Variants in ATP11A observed in about 807,000 individuals in gnomAD.
ATP11A encodes the protein phospholipid-transporting ATPase IH.
A neutral mutation model predicts 154.4 loss-of-function variants in ATP11A; 81 were observed. The ratio of observed to expected loss-of-function variants is 0.52; its 90% CI spans 0.44 to 0.63. The LOEUF is 0.63. ATP11A is among the 30% of genes least tolerant of loss of function. The probability of loss-of-function intolerance (pLI) is 0.00; values close to 1 mark genes in which losing one functional copy is unlikely to be tolerated. For missense variants in ATP11A, 1,316 were observed against 1,474.3 expected, an observed-to-expected ratio of 0.89 and a Z score of 1.76; for synonymous variants, 623 against 585.9, an observed-to-expected ratio of 1.06 and a Z score of -0.91.
At chr13:112,858,500 A>G in intron 22 of ATP11A, 1 of 486,704 alleles carries the variant, frequency 2.1e-6, no homozygotes, top group South Asian at 4.0e-5. Flanking sequence ...CAGTCAACCC[A>G]TGCCCAAAAA....
chr13:112,745,660 C>G (rs566118816), intron 1 of ATP11A: 14 of 151,612 alleles, frequency 9.2e-5, no homozygotes, highest in African/African-American at 3.4e-4. Flanking sequence ...TGAGGAAAGC[C>G]AAAAAAACAA....
At chr13:112,709,462 A>G (rs1380079328) in intron 1 of ATP11A, among the ~76,000 whole-genome samples, 1 of 152,202 alleles carries the variant, frequency 6.6e-6, no homozygotes, top group African/African-American at 2.4e-5. Flanking sequence ...ACTAAGATCC[A>G]GGCACCCTTT....
chr13:112,857,976 G>C (rs2079980216), intron 21 of ATP11A, 56 bp downstream of exon 21: 12 of 1,594,616 alleles, frequency 7.5e-6, no homozygotes, highest in South Asian at 3.3e-5. Context: ...CCCTTCGCTA[G>C]ACAAAGGCCC....
chr13:112,811,161 AACACACACACACACACACACACACAC>A (rs10695491), intron 5 of ATP11A, among the ~76,000 whole-genome samples: 1 of 115,582 alleles, frequency 8.7e-6, no homozygotes, highest in African/African-American at 3.6e-5. Flanking sequence ...TGCCCCTTCC[AACACACACACACACACACACACACAC>A]ACACACACAC....
At chr13:112,878,345 CG>C in intron 29 of ATP11A, 42 bp downstream of exon 29, 1 of 1,598,802 alleles carries the variant, frequency 6.3e-7, no homozygotes. Flanking sequence ...ATGGTAGACA[CG>C]GGGCAGCAGG....
chr13:112,690,528 T>A lies in ATP11A; in HGVS notation c.39+73T>A. 8.0e-7 allele frequency: 1 copy of A among 1,242,718 alleles called. No individual in the cohort carries two copies. Among genetic ancestry groups the A allele is most frequent in the Non-Finnish European group, 1.0e-6 (1 of 987,558 alleles). The allele number at this position is 1,242,718 out of a possible 1,614,324, so 77.0% of individuals were successfully genotyped here. ...CGGGCCGGCCCCGCAGCCCGGACCCTGTGGCCGGTCCAGCCCCGGGGTCCC... is the reference window on the plus strand; with the variant it reads ...CGGGCCGGCCCCGCAGCCCGGACCCAGTGGCCGGTCCAGCCCCGGGGTCCC... On this transcript the variant is annotated intron_variant, in intron 1 of 29. Coordinates refer to ENST00000375645, the MANE Select transcript of ATP11A (RefSeq NM_015205.3). This position sits in a 1 kb window ranked among gnomAD's most constrained non-coding sequence, Gnocchi z 5.6.
intron 2 of ATP11A, among the ~76,000 whole-genome samples, chr13:112,792,255 A>T (rs946045850): frequency 3.3e-5 from 5 of 152,190 alleles, no homozygotes; most frequent in African/African-American, 1.2e-4. Flanking sequence ...GATCCAGGTA[A>T]ACCAAAGTGG....
intron 29 of ATP11A, among the ~76,000 whole-genome samples, chr13:112,878,986 C>T (rs1453549976): frequency 6.6e-6 from 1 of 152,234 alleles, no homozygotes; most frequent in Non-Finnish European, 1.5e-5. Flanking sequence ...TTAAAAATGA[C>T]GACCTTGGCC....
At chr13:112,829,086 T>G (rs1326291287) in intron 12 of ATP11A, among the ~76,000 whole-genome samples, 2 of 152,130 alleles carry the variant, frequency 1.3e-5, no homozygotes, top group Non-Finnish European at 2.9e-5. Flanking sequence ...AGAAACTGAG[T>G]CAGGAGCAGG....
At chr13:112,825,355 C>G in intron 10 of ATP11A, 75 bp from the exon 11 acceptor site, 1 of 1,488,204 alleles carries the variant, frequency 6.7e-7, no homozygotes, top group Non-Finnish European at 9.1e-7. Context: ...GAGGTGTCAT[C>G]TTGATATCTG....
chr13:112,857,193 A>G (rs2079954825), intron 20 of ATP11A, among the ~76,000 whole-genome samples: 1 of 152,150 alleles, frequency 6.6e-6, no homozygotes, highest in South Asian at 2.1e-4. Context: ...GTTTCCCCCC[A>G]TCTCTTCATT....
chr13:112,752,863 C>T (rs1370645452), intron 1 of ATP11A, among the ~76,000 whole-genome samples: 1 of 152,206 alleles, frequency 6.6e-6, no homozygotes, highest in African/African-American at 2.4e-5. Context: ...CCAGGATGCA[C>T]CCACCTGGGA....
intron 2 of ATP11A, among the ~76,000 whole-genome samples, chr13:112,802,000 G>A (rs879705977): frequency 3.9e-5 from 6 of 152,118 alleles, no homozygotes; most frequent in Non-Finnish European, 8.8e-5. Flanking sequence ...CCCACTTTAG[G>A]ACTTACTGTA....
At chr13:112,861,212 C>T (rs1295580102) in intron 24 of ATP11A, among the ~76,000 whole-genome samples, 1 of 152,216 alleles carries the variant, frequency 6.6e-6, no homozygotes, top group African/African-American at 2.4e-5. Flanking sequence ...TCACTGCCCA[C>T]CAGGTCCCTC....
rs951516480 is a variant in ATP11A, at chr13:112,838,870, C to A, written c.1705+2619C>A. On this transcript the variant is annotated intron_variant, in intron 16 of 29. Transcript: ENST00000375645. The surrounding 1 kb of genome is among the most constrained non-coding windows in gnomAD (Gnocchi z 7.3). Reference sequence around the variant, plus strand: ...GTGTTCTGTAAGTAGTAGTCATCCCCGGAGAGGTTCACTAATTGCACTGGA... The same window carrying A: ...GTGTTCTGTAAGTAGTAGTCATCCCAGGAGAGGTTCACTAATTGCACTGGA... Among the ~76,000 whole-genome samples the A allele has an allele frequency of 2.0e-5, 3 of 152,184 alleles. No homozygotes were observed. Among genetic ancestry groups the A allele is most frequent in the Non-Finnish European group, 4.4e-5 (3 of 68,028 alleles).
intron 1 of ATP11A, among the ~76,000 whole-genome samples, chr13:112,756,883 G>GCGCGGGGCCTGCTCC (rs2076852088): frequency 2.6e-5 from 4 of 151,776 alleles, no homozygotes; most frequent in Admixed American, 1.3e-4. Context: ...TCTGCTCCCA[G>GCGCGGGGCCTGCTCC]CACGGGGCCT....
intron 25 of ATP11A, among the ~76,000 whole-genome samples, chr13:112,863,159 A>C (rs1184247860): frequency 3.6e-5 from 5 of 138,878 alleles, no homozygotes; most frequent in South Asian, 2.4e-4. Flanking sequence ...AGTGCAGCCC[A>C]TGCAGCTTCC....
intron 1 of ATP11A, among the ~76,000 whole-genome samples, chr13:112,751,694 C>T (rs2076695470): frequency 6.6e-6 from 1 of 151,650 alleles, no homozygotes; most frequent in East Asian, 1.9e-4. Context: ...AAAAAACAGA[C>T]ATTGGCCCTT....
At chr13:112,759,018 T>C (rs1304266978) in intron 1 of ATP11A, among the ~76,000 whole-genome samples, 1 of 152,266 alleles carries the variant, frequency 6.6e-6, no homozygotes, top group Non-Finnish European at 1.5e-5. Context: ...GTAACATTTA[T>C]ATTTTGTCAC....
Sources: gnomAD v4.1 joint callset for allele counts (sites outside exome capture counted in the v4.1 genomes callset) on GRCh38, gnomAD v4.1.1 for gene constraint, Gnocchi (gnomAD v3.1) non-coding constraint, MANE v1.5 for transcripts, NCBI Gene and HGNC (gene_info 2026-07-23, HGNC 2026-07-21) for gene names.